LRRC4C: variants seen among roughly 807,000 people sequenced by gnomAD.
The protein encoded by LRRC4C is leucine-rich repeat-containing protein 4C.
In LRRC4C, 5 loss-of-function variants were observed where a neutral mutation model predicts 33.6. The ratio of observed to expected loss-of-function variants is 0.15; its 90% confidence interval spans 0.08 to 0.31. The LOEUF is 0.31. LRRC4C is among the 10% of genes least tolerant of loss of function. The pLI is 1.00. For missense variants in LRRC4C, 560 were observed against 796.7 expected (o/e 0.70, Z 3.58); for synonymous variants, 329 against 302.0 (o/e 1.09, Z -0.93).
chr11:40,542,225 T>C (rs1312525082), intron 3 of LRRC4C, among the ~76,000 whole-genome samples: 1 of 152,178 alleles, frequency 6.6e-6, no homozygotes, highest in East Asian at 1.9e-4. Context: ...TGTGAGAAAA[T>C]GCTTTATTCT....
chr11:40,418,386 A>C (rs1478062192), intron 3 of LRRC4C, among the ~76,000 whole-genome samples: 2 of 152,250 alleles, frequency 1.3e-5, no homozygotes, highest in South Asian at 2.1e-4. Context: ...TCATTAGATA[A>C]ATGCAAATCA....
intron 1 of LRRC4C, among the ~76,000 whole-genome samples, chr11:41,260,421 G>A (rs1049751771): frequency 3.9e-5 from 6 of 151,962 alleles, no homozygotes; most frequent in East Asian, 3.9e-4. Context: ...AATGAAGATC[G>A]TCTCCGTCCA....
At chr11:40,389,867 A>G (rs773927145) in intron 3 of LRRC4C, among the ~76,000 whole-genome samples, 7 of 152,194 alleles carry the variant, frequency 4.6e-5, no homozygotes, top group Non-Finnish European at 1.0e-4. Flanking sequence ...AAATGATCAG[A>G]AAGGATTTCT....
intron 1 of LRRC4C, among the ~76,000 whole-genome samples, chr11:41,451,056 T>C (rs1027647274): frequency 4.6e-5 from 7 of 152,114 alleles, no homozygotes; most frequent in Non-Finnish European, 7.4e-5. Context: ...AACAATAATA[T>C]AGGAACACAT....
chr11:41,411,789 A>G (rs530927411), intron 1 of LRRC4C, among the ~76,000 whole-genome samples: 1 of 152,212 alleles, frequency 6.6e-6, no homozygotes, highest in South Asian at 2.1e-4. Flanking sequence ...CCACATCCCA[A>G]AGAGATGCGT....
chr11:41,379,867 TTCTG>T (rs1444363259), intron 1 of LRRC4C, among the ~76,000 whole-genome samples: 1 of 152,124 alleles, frequency 6.6e-6, no homozygotes, highest in African/African-American at 2.4e-5. Flanking sequence ...TCCTTAGTCT[TTCTG>T]TCTAAAACCA....
At chr11:40,184,933 T>C (rs1456982501) in intron 5 of LRRC4C, among the ~76,000 whole-genome samples, 1 of 152,200 alleles carries the variant, frequency 6.6e-6, no homozygotes, top group Non-Finnish European at 1.5e-5. Context: ...TCCCTATTTA[T>C]CCCAGGAGAG....
At chr11:41,259,294 A>T (rs1948900497) in intron 1 of LRRC4C, among the ~76,000 whole-genome samples, 1 of 152,050 alleles carries the variant, frequency 6.6e-6, no homozygotes, top group Admixed American at 6.6e-5. Flanking sequence ...TTCTCATGAA[A>T]GACATCAGCA....
intron 2 of LRRC4C, among the ~76,000 whole-genome samples, chr11:40,691,306 A>G (rs1297227492): frequency 6.6e-6 from 1 of 152,016 alleles, no homozygotes; most frequent in East Asian, 1.9e-4. Flanking sequence ...CATAGGGAGC[A>G]CTTCCGATAC....
chr11:40,522,515 G>A (rs1955864142), intron 3 of LRRC4C, among the ~76,000 whole-genome samples: 2 of 152,226 alleles, frequency 1.3e-5, no homozygotes, highest in African/African-American at 4.8e-5. Context: ...TAAGTCTCAT[G>A]AGATCTGATG....
chr11:40,504,725 A>G (rs551863441), intron 3 of LRRC4C, among the ~76,000 whole-genome samples: 3 of 152,224 alleles, frequency 2.0e-5, no homozygotes, highest in African/African-American at 7.2e-5. Context: ...TTATTTGTTA[A>G]CTATTTTACT....
chr11:40,117,027 A>T (rs1855488292), intron 6 of LRRC4C, among the ~76,000 whole-genome samples: 1 of 152,198 alleles, frequency 6.6e-6, no homozygotes, highest in Non-Finnish European at 1.5e-5. Flanking sequence ...ACTTCTCTGA[A>T]GTAGGAATTG....
intron 1 of LRRC4C, among the ~76,000 whole-genome samples, chr11:41,001,013 T>C (rs903174969): frequency 3.3e-5 from 5 of 152,166 alleles, no homozygotes; most frequent in African/African-American, 1.2e-4. Context: ...AGCGTAGTAA[T>C]CTAAAAGTAT....
intron 3 of LRRC4C, among the ~76,000 whole-genome samples, chr11:40,478,844 T>G (rs1953389884): frequency 6.6e-6 from 1 of 152,204 alleles, no homozygotes; most frequent in Non-Finnish European, 1.5e-5. Flanking sequence ...GTGACAGTAT[T>G]GAAGAAAATC....
At chr11:40,362,237 T>A (rs1196756737) in intron 3 of LRRC4C, among the ~76,000 whole-genome samples, 1 of 151,906 alleles carries the variant, frequency 6.6e-6, no homozygotes, top group Non-Finnish European at 1.5e-5. Flanking sequence ...CAAAAGCAAT[T>A]GCAACAAAAG....
chr11:41,133,925 C>A (rs1162319146), intron 1 of LRRC4C, among the ~76,000 whole-genome samples: 1 of 152,118 alleles, frequency 6.6e-6, no homozygotes, highest in African/African-American at 2.4e-5. Context: ...ACTATGTATA[C>A]CTTCCAAGTA....
intron 3 of LRRC4C, among the ~76,000 whole-genome samples, chr11:40,549,620 C>G (rs1028694620): frequency 6.6e-6 from 1 of 152,114 alleles, no homozygotes; most frequent in Non-Finnish European, 1.5e-5. Flanking sequence ...GCTGTATGCT[C>G]AATTCTGAGA....
intron 3 of LRRC4C, among the ~76,000 whole-genome samples, chr11:40,534,609 T>C (rs1956399029): frequency 6.6e-6 from 1 of 152,148 alleles, no homozygotes; most frequent in Non-Finnish European, 1.5e-5. Context: ...AAGCTCTCAA[T>C]AAATGTTAGC....
chr11:41,328,232 G>A (rs924130249), intron 1 of LRRC4C, among the ~76,000 whole-genome samples: 3 of 152,180 alleles, frequency 2.0e-5, no homozygotes, highest in African/African-American at 7.2e-5. Context: ...ATGTGTGGAA[G>A]AACACACTGC....
Sources: gnomAD v4.1 joint callset for allele counts (sites outside exome capture counted in the v4.1 genomes callset) on GRCh38, gnomAD v4.1.1 for gene constraint, MANE v1.5 for transcripts, NCBI Gene and HGNC (gene_info 2026-07-23, HGNC 2026-07-21) for gene names.